The following CASKIN2 variants were observed in gnomAD, a reference collection of about 807,000 sequenced individuals.
CASKIN2 encodes CASK interacting protein 2, also known as caskin-2.
Under a neutral mutation model 107.1 loss-of-function variants are expected in CASKIN2, and 41 were observed. The ratio of observed to expected loss-of-function variants is 0.38; its 90% confidence interval spans 0.30 to 0.50. The LOEUF is 0.50. CASKIN2 is among the 20% of genes least tolerant of loss of function. The pLI is 0.92. For synonymous variants in CASKIN2, 724 were observed against 705.6 expected (o/e 1.03, Z -0.41); for missense variants, 1,546 against 1,657.4 (o/e 0.93, Z 1.17).
Position 75,504,677 on chromosome 17 carries a change from A to C in CASKIN2, c.1209T>G (p.Ser403Arg). 6.3e-7 allele frequency: 1 copy of C among 1,599,050 alleles called. No homozygotes were observed. Reference sequence around the variant, plus strand: ...TGCCCACGCTGCCCTCACTGCCCACACTATTCCTGTCACCTGCTGTGGGGG... The same window carrying C: ...TGCCCACGCTGCCCTCACTGCCCACCCTATTCCTGTCACCTGCTGTGGGGG... ...SPDSPAGDRN[S>R]VGSEGSVGSI... Residue 403 changes from serine to arginine, a missense_variant, in exon 12 of 20, where the codon AGT becomes AGG. Physicochemically the swap from Ser to Arg is moderately radical, Grantham distance 110 (BLOSUM62 -1). Transcript: ENST00000321617.
At position 75,504,548 on chromosome 17, in the gene CASKIN2, T is replaced by C. The variant is rs533643268; in HGVS notation, c.1314+24A>G. ...TGGCAGTGGGGAGTGAGCCCTGACC[T>C]GGTCCGTGACCCCATCATCCTACCT... On this transcript the variant is annotated intron_variant, in intron 12 of 19. Coordinates refer to ENST00000321617, the MANE Select transcript of CASKIN2 (RefSeq NM_020753.5). 1.2e-5 allele frequency: 19 copies of C among 1,594,544 alleles called. No homozygotes were observed. In the East Asian group the frequency reaches 3.4e-4, roughly 28 times the overall value.
At position 75,500,650 on chromosome 17, in the gene CASKIN2, G is replaced by A. The variant is rs1180465391; in HGVS notation, c.*430C>T. The stretch of plus-strand genomic sequence containing the variant: ...GGAGAGGGGGCCCGGCCAGACACAC[G>A]CCTCCTCCAGCCTCTCAGGGCCTGG... On this transcript the variant is annotated 3_prime_UTR_variant, in exon 20 of 20. Coordinates refer to ENST00000321617, the MANE Select transcript of CASKIN2 (RefSeq NM_020753.5). The A allele has an allele frequency of 9.0e-6, 2 of 221,498 alleles. No individual in the cohort carries two copies. Among genetic ancestry groups the A allele is most frequent in the Admixed American group, 5.3e-5 (1 of 19,030 alleles). 13.7% of individuals were successfully genotyped at this position (221,498 alleles called of 1,614,324 possible). A position where few individuals can be genotyped will look rare whatever the true frequency, so the allele number is the denominator to read the frequency against.
In CASKIN2 at chr17:75,502,296, C is replaced by T. The variant is rs375853162; in HGVS notation, c.2778G>A (p.Ala926=). The T allele has an allele frequency of 1.9e-3, 2,810 of 1,501,332 alleles. 2 individuals are homozygous for T. Among genetic ancestry groups the T allele is most frequent in the Admixed American group, 2.5e-3 (112 of 44,940 alleles). The allele number at this position is 1,501,332 out of a possible 1,614,324, so 93.0% of individuals were successfully genotyped here. A position where few individuals can be genotyped will look rare whatever the true frequency, so the allele number is the denominator to read the frequency against. The stretch of plus-strand genomic sequence containing the variant: ...CTGGCTCCTCCTCCTCCGTGTCTGA[C>T]GCGGGCCCAGCCGGGGCAGGTGGGC... ...PPGPPAPAGP[A]SDTEEEEPGP... The change falls in exon 18 of 20, where the codon GCG becomes GCA. Residue 926 remains alanine, a synonymous_variant. Coordinates refer to ENST00000321617, the MANE Select transcript of CASKIN2 (RefSeq NM_020753.5). This position sits in a 1 kb window ranked among gnomAD's most constrained non-coding sequence, Gnocchi z 4.3.
At position 75,505,851 on chromosome 17, in the gene CASKIN2, C is replaced by T; in HGVS notation, c.805G>A (p.Ala269Thr). 1.2e-6 allele frequency: 2 copies of T among 1,613,366 alleles called. No individual in the cohort carries two copies. The highest frequency in any genetic ancestry group is 8.5e-7 in the Non-Finnish European group (1 of 1,179,976). The stretch of plus-strand genomic sequence containing the variant: ...AGTAGCTGCTTGATTTCCCGGCTGG[C>T]CTGGGAGGTGGTGAACTGATTCACT... ...DIVNQFTTSQ[A>T]SREIKQLLRE... The change falls in exon 9 of 20, where the codon GCC becomes ACC. Residue 269 changes from alanine to threonine, a missense_variant. This residue lies in a region of CASKIN2 where 1,311 missense variants were observed against 1,311.0 expected (regional missense o/e 1.00). Coordinates refer to ENST00000321617, the MANE Select transcript of CASKIN2 (RefSeq NM_020753.5). This position sits in a 1 kb window ranked among gnomAD's most constrained non-coding sequence, Gnocchi z 5.1.
Position 75,505,332 on chromosome 17 carries a change from T to C in CASKIN2, c.930+225A>G, listed in dbSNP as rs1054293322. 8 of 627,980 alleles carry C rather than the reference T, an allele frequency of 1.3e-5. No individual in the cohort carries two copies. The highest frequency in any genetic ancestry group is 1.2e-4 in the Admixed American group (4 of 34,692). 38.9% of individuals were successfully genotyped at this position (627,980 alleles called of 1,614,324 possible). On this transcript the variant is annotated intron_variant, in intron 10 of 19. Transcript: ENST00000321617. The surrounding 1 kb of genome is among the most constrained non-coding windows in gnomAD (Gnocchi z 5.1). ...TCCACTACTTGCTAGCTGTGTGACC[T>C]TGGGCAAGTCACTTGAATTTCTCTT... is the stretch of plus-strand genomic sequence containing the variant.
chr17:75,504,986 C>T lies in CASKIN2; in HGVS notation c.1018G>A (p.Gly340Ser). Reference protein sequence around the residue: ...GTDRIGYFPPGIVEVVSKRVG... With the variant: ...GTDRIGYFPPSIVEVVSKRVG... ...CGCTTGCTGACCACCTCGACAATGC[C>T]CGGGGGGAAGTAGCCTATGCGGTCT... The change falls in exon 11 of 20, where the codon GGC becomes AGC. Residue 340 changes from glycine to serine, a missense_variant. By Grantham distance (56) the Gly-to-Ser change is moderately conservative (BLOSUM62 0). Coordinates refer to ENST00000321617, the MANE Select transcript of CASKIN2 (RefSeq NM_020753.5). 1 of 1,612,360 alleles carries T rather than the reference C, an allele frequency of 6.2e-7. No individual in the cohort carries two copies. Among genetic ancestry groups the T allele is most frequent in the Non-Finnish European group, 8.5e-7 (1 of 1,179,786 alleles).
chr17:75,506,839 T>A lies in CASKIN2; in HGVS notation c.446A>T (p.Lys149Met). The change falls in exon 6 of 20, where the codon AAG becomes ATG. Residue 149 changes from lysine to methionine, a missense_variant. Coordinates refer to ENST00000321617, the MANE Select transcript of CASKIN2 (RefSeq NM_020753.5). The surrounding 1 kb of genome is among the most constrained non-coding windows in gnomAD (Gnocchi z 4.8). ...TTCACAGGCCAGGTCCAGGGGCGTCTTCTTGGCCTTGTTGACCAGGCATGG... is the reference window on the plus strand; with the variant it reads ...TTCACAGGCCAGGTCCAGGGGCGTCATCTTGGCCTTGTTGACCAGGCATGG... ...SNPCLVNKAKKTPLDLACEFG... is the reference protein window; with the variant it reads ...SNPCLVNKAKMTPLDLACEFG... 6.2e-7 allele frequency: 1 copy of A among 1,612,966 alleles called. No homozygotes were observed. The highest frequency in any genetic ancestry group is 8.5e-7 in the Non-Finnish European group (1 of 1,179,714).
At position 75,502,972 on chromosome 17, in the gene CASKIN2, A is replaced by T. The variant is rs1486946192; in HGVS notation, c.2102T>A (p.Ile701Asn). ...GCCAGACCCCCGTGAGCGTGCCCCG[A>T]TGCTCTCCTGGCTGGGAGAGCGGGC... ...PPARSPSQES[I>N]GARSRGSGHS... The change falls in exon 18 of 20, where the codon ATC becomes AAC. Residue 701 changes from isoleucine to asparagine, a missense_variant. Coordinates refer to ENST00000321617, the MANE Select transcript of CASKIN2 (RefSeq NM_020753.5). This position sits in a 1 kb window ranked among gnomAD's most constrained non-coding sequence, Gnocchi z 4.3. 6.2e-7 allele frequency: 1 copy of T among 1,600,136 alleles called. No individual in the cohort carries two copies.
intron 1 of CASKIN2, among the ~76,000 whole-genome samples, chr17:75,515,029 G>A (rs1466865423): frequency 6.6e-6 from 1 of 152,178 alleles, no homozygotes; most frequent in Non-Finnish European, 1.5e-5. Flanking sequence ...CCCTGGCCGG[G>A]AACCCCTCAC....
rs2053286552 is a variant in CASKIN2 at position 75,508,299 on chromosome 17, TAGG to T, written c.95-17_95-15del. On this transcript the variant is annotated splice_polypyrimidine_tract_variant and intron_variant, in intron 2 of 19. Coordinates refer to ENST00000321617, the MANE Select transcript of CASKIN2 (RefSeq NM_020753.5). ...AGCCCAGGAGCTCTAGGGGTCAGGA[TAGG>T]AGGTGTCAGGGCCATCAGATGACTG... is the stretch of plus-strand genomic sequence containing the variant. 5 of 1,612,780 alleles carry T rather than the reference TAGG, an allele frequency of 3.1e-6. No individual in the cohort carries two copies. The Middle Eastern group carries it at 4.9e-4, about 159-fold the overall frequency.
chr17:75,502,901 TG>T lies in CASKIN2; in HGVS notation c.2172del (p.Ser725AlafsTer77). 6.5e-7 allele frequency: 1 copy of T among 1,546,784 alleles called. No individual in the cohort carries two copies. ...QPAPQPSGGD[P>X]SPPQERNLPE... ...GGGAGGTTCCTCTCCTGGGGGGGGCTGGGATCTCCACCGCTGGGCTGTGGGG... is the reference window on the plus strand; with the variant it reads ...GGGAGGTTCCTCTCCTGGGGGGGGCTGGATCTCCACCGCTGGGCTGTGGGG... On this transcript the variant is annotated frameshift_variant, in exon 18 of 20. Transcript: ENST00000321617. LOFTEE classifies it high-confidence loss of function. The surrounding 1 kb of genome is among the most constrained non-coding windows in gnomAD (Gnocchi z 4.3).
chr17:75,508,281 G>A lies in CASKIN2; in HGVS notation c.99C>T (p.Leu33=). 1 of 1,613,702 alleles carries A rather than the reference G, an allele frequency of 6.2e-7. No individual in the cohort carries two copies. Among genetic ancestry groups the A allele is most frequent in the Non-Finnish European group, 8.5e-7 (1 of 1,179,848 alleles). ...VAKVKATKTK[L]LGSTKRLNVN... is the part of the protein sequence containing the mutation. ...CGTTGAGCCTCTTTGTGGAGCCCAG[G>A]AGCTCTAGGGGTCAGGATAGGAGGT... is the stretch of plus-strand genomic sequence containing the variant. The change falls in exon 3 of 20, where the codon CTC becomes CTT. Residue 33 remains leucine, a synonymous_variant. Transcript: ENST00000321617.
intron 2 of CASKIN2, among the ~76,000 whole-genome samples, chr17:75,512,075 C>T (rs1291486866): frequency 2.0e-5 from 3 of 152,352 alleles, no homozygotes; most frequent in South Asian, 2.1e-4. Flanking sequence ...CACAGCTCCA[C>T]CTCTCCAGGC....
intron 1 of CASKIN2, among the ~76,000 whole-genome samples, chr17:75,514,746 GC>G (rs1001873980): frequency 2.6e-5 from 4 of 152,184 alleles, no homozygotes; most frequent in African/African-American, 7.2e-5. Flanking sequence ...AGTGCTTCTG[GC>G]CCCCCATTTC....
chr17:75,502,756 C>T lies in CASKIN2; in HGVS notation c.2318G>A (p.Gly773Asp), dbSNP rs373943991. The T allele has an allele frequency of 5.5e-5, 88 of 1,596,402 alleles. No individual in the cohort carries two copies. The highest frequency in any genetic ancestry group is 3.3e-4 in the Middle Eastern group (2 of 6,018). ...CAAGTAGGAGAAGGCCCAGGGTGCG[C>T]CAGGAGGTGGCCCTGGGGCCGGGCT... ...PSSPAPGPPP[G>D]APWAFSYLAG... Residue 773 changes from glycine to aspartate, a missense_variant, in exon 18 of 20, where the codon GGC becomes GAC. Physicochemically the swap from Gly to Asp is moderately conservative, Grantham distance 94. Around this residue, in one of 6 missense-constraint regions of CASKIN2, gnomAD observed 1,311 missense variants for 1,311.0 expected, o/e 1.00. Transcript: ENST00000321617. This position sits in a 1 kb window ranked among gnomAD's most constrained non-coding sequence, Gnocchi z 4.3.
chr17:75,506,111 G>C lies in CASKIN2; in HGVS notation c.727-182C>G, dbSNP rs2053262436. Among the ~76,000 whole-genome samples, 1 of 152,188 alleles carries C rather than the reference G, an allele frequency of 6.6e-6. No individual in the cohort carries two copies. The highest frequency in any genetic ancestry group is 6.5e-5 in the Admixed American group (1 of 15,284). ...ACTCAGCTAGTAAGAGGCAGATCTG[G>C]GGTGCCAATCAGGTTGGTCTGCCCC... On this transcript the variant is annotated intron_variant, in intron 8 of 19. Transcript: ENST00000321617. This position sits in a 1 kb window ranked among gnomAD's most constrained non-coding sequence, Gnocchi z 4.8.
rs755504016 is a variant in CASKIN2 at position 75,506,430 on chromosome 17, G to A, written c.618-17C>T. On this transcript the variant is annotated splice_polypyrimidine_tract_variant and intron_variant, in intron 7 of 19. Coordinates refer to ENST00000321617, the MANE Select transcript of CASKIN2 (RefSeq NM_020753.5). The surrounding 1 kb of genome is among the most constrained non-coding windows in gnomAD (Gnocchi z 4.8). ...AGGAGCTGCCTGCAGTGGACGGGGG[G>A]AGTCACGGGGGAGGTGGCGTAGGAG... The A allele has an allele frequency of 1.9e-6, 3 of 1,602,292 alleles. No individual in the cohort carries two copies. Among genetic ancestry groups the A allele is most frequent in the East Asian group, 2.2e-5 (1 of 44,850 alleles).
chr17:75,501,391 C>T lies in CASKIN2; in HGVS notation c.3518+77G>A. 2.7e-6 allele frequency: 4 copies of T among 1,482,438 alleles called. No individual in the cohort carries two copies. The South Asian group carries it at 3.7e-5, about 14-fold the overall frequency. The allele number at this position is 1,482,438 out of a possible 1,614,324, so 91.8% of individuals were successfully genotyped here. ...CTGCAATGTCCCCCTCCAACATCCC[C>T]ATGATCCCTGGGCAGAGGATGCAGG... On this transcript the variant is annotated intron_variant, in intron 19 of 19. Transcript: ENST00000321617.
intron 1 of CASKIN2, among the ~76,000 whole-genome samples, chr17:75,514,854 C>T (rs926712298): frequency 1.3e-5 from 2 of 152,146 alleles, no homozygotes; most frequent in East Asian, 1.9e-4. Flanking sequence ...GGGCAGAGAA[C>T]AGAGAGAGCT....
Sources: gnomAD v4.1 joint callset for allele counts (sites outside exome capture counted in the v4.1 genomes callset) on GRCh38, gnomAD v4.1.1 for gene constraint, gnomAD v4.1.1 regional missense constraint, Gnocchi (gnomAD v3.1) non-coding constraint, MANE v1.5 for transcripts, NCBI Gene and HGNC (gene_info 2026-07-23, HGNC 2026-07-21) for gene names.